The following SLC25A33 variants were observed in gnomAD, a reference collection of about 807,000 sequenced individuals.
SLC25A33 encodes the protein bone marrow stromal cell mitochondrial carrier protein.
SLC25A33 carries 15 observed loss-of-function variants against 35.5 expected under a neutral mutation model. That is an observed-to-expected ratio of 0.42 (90% CI 0.28 to 0.65). The LOEUF (loss-of-function observed/expected upper bound fraction) is 0.65. Ranked by LOEUF, SLC25A33 falls within the 30% of genes least tolerant of loss-of-function variation. The pLI is 0.20. For missense variants in SLC25A33, 257 were observed against 398.5 expected (o/e 0.64, Z 3.02); for synonymous variants, 136 against 148.7 (o/e 0.91, Z 0.62).
rs1643464004 is a variant in SLC25A33, at chr1:9,564,063, A to C, written c.237-3221A>C. On this transcript the variant is annotated intron_variant, in intron 2 of 6. Coordinates refer to ENST00000302692, the MANE Select transcript of SLC25A33 (RefSeq NM_032315.3). ...AGTAAAGAGAAATCCTCCATAAGAAAAAGAGATTAAATTAGAGAAGACCAT... is the reference window on the plus strand; with the variant it reads ...AGTAAAGAGAAATCCTCCATAAGAACAAGAGATTAAATTAGAGAAGACCAT... Among the ~76,000 whole-genome samples the C allele has an allele frequency of 4.6e-5, 7 of 152,342 alleles. No homozygotes were observed. The South Asian group carries it at 1.4e-3, about 32-fold the overall frequency.
chr1:9,556,816 A>G (rs1643351090), intron 2 of SLC25A33, among the ~76,000 whole-genome samples: 1 of 152,196 alleles, frequency 6.6e-6, no homozygotes, highest in Admixed American at 6.5e-5. Flanking sequence ...TACAGGAACA[A>G]CTTCCACACC....
chr1:9,544,764 A>G (rs752763047), intron 1 of SLC25A33, among the ~76,000 whole-genome samples: 9 of 152,196 alleles, frequency 5.9e-5, no homozygotes, highest in Admixed American at 1.3e-4. Context: ...AAAGCAGTTT[A>G]CCATCAGTGG....
At chr1:9,559,391 G>T (rs1179283058) in intron 2 of SLC25A33, among the ~76,000 whole-genome samples, 1 of 152,108 alleles carries the variant, frequency 6.6e-6, no homozygotes, top group Admixed American at 6.5e-5. Context: ...GTTTTGGCAT[G>T]TCAGGAAGAT....
At chr1:9,552,596 A>G (rs1378033779) in intron 1 of SLC25A33, among the ~76,000 whole-genome samples, 4 of 152,302 alleles carry the variant, frequency 2.6e-5, no homozygotes, top group East Asian at 1.9e-4. Flanking sequence ...TCAAAATAGT[A>G]TCTTCACCTG....
At chr1:9,550,597 C>G (rs564268423) in intron 1 of SLC25A33, among the ~76,000 whole-genome samples, 2 of 152,090 alleles carry the variant, frequency 1.3e-5, no homozygotes, top group East Asian at 1.9e-4. Flanking sequence ...GTTATTATGA[C>G]AGGTAGGAGT....
intron 6 of SLC25A33, among the ~76,000 whole-genome samples, chr1:9,580,873 ATAAT>A (rs1557539086): frequency 1.4e-5 from 2 of 143,636 alleles, no homozygotes; most frequent in African/African-American, 5.3e-5. Context: ...AAAAATAATA[ATAAT>A]AATAATAATA....
At chr1:9,557,815 T>C (rs1439271735) in intron 2 of SLC25A33, among the ~76,000 whole-genome samples, 1 of 152,186 alleles carries the variant, frequency 6.6e-6, no homozygotes, top group East Asian at 1.9e-4. Flanking sequence ...TAAGACAGGA[T>C]GTCCTTGAGC....
intron 2 of SLC25A33, among the ~76,000 whole-genome samples, chr1:9,554,568 A>T (rs1256265125): frequency 1.3e-5 from 2 of 151,372 alleles, no homozygotes; most frequent in African/African-American, 4.9e-5. Flanking sequence ...CATGTTGGCC[A>T]GGCTGGTCCC....
chr1:9,576,607 G>A lies in SLC25A33; in HGVS notation c.482+3195G>A, dbSNP rs1643663892. 6.9e-6 allele frequency: 4 copies of A among 580,558 alleles called. No individual in the cohort carries two copies. The Admixed American group carries it at 7.5e-5, about 11-fold the overall frequency. The allele number at this position is 580,558 out of a possible 1,614,324, so 36.0% of individuals were successfully genotyped here. On this transcript the variant is annotated intron_variant, in intron 5 of 6. Transcript: ENST00000302692. ...TGCCACACGGTGGGGTAACAGAAAG[G>A]AACTGGCTACCGTTCGAACTGTTGG...
At chr1:9,541,210 C>T (rs1380301623) in intron 1 of SLC25A33, among the ~76,000 whole-genome samples, 2 of 149,604 alleles carry the variant, frequency 1.3e-5, no homozygotes, top group Non-Finnish European at 1.5e-5. Context: ...CTGGAGTGCA[C>T]TGGCGCCATC....
At chr1:9,548,270 A>G (rs940937437) in intron 1 of SLC25A33, among the ~76,000 whole-genome samples, 21 of 152,206 alleles carry the variant, frequency 1.4e-4, no homozygotes, top group Admixed American at 1.3e-3. Context: ...TACAGACTAT[A>G]AGACCTATAC....
At chr1:9,553,414 T>C (rs574093716) in intron 1 of SLC25A33, among the ~76,000 whole-genome samples, 2 of 151,828 alleles carry the variant, frequency 1.3e-5, no homozygotes, top group South Asian at 2.1e-4. Flanking sequence ...TTTGTATTTT[T>C]AGTAGAGACA....
At chr1:9,550,115 G>A (rs987816785) in intron 1 of SLC25A33, among the ~76,000 whole-genome samples, 2 of 140,520 alleles carry the variant, frequency 1.4e-5, no homozygotes, top group Admixed American at 7.9e-5. Context: ...TTGGGTTCAG[G>A]TGATCCTCCT....
chr1:9,564,737 A>ATATATATATATAT (rs1396734975), intron 2 of SLC25A33, among the ~76,000 whole-genome samples: 8 of 72,722 alleles, frequency 1.1e-4, no homozygotes, highest in Non-Finnish European at 1.7e-4. Context: ...AAAAAAAAAA[A>ATATATATATATAT]AAATATATAT....
intron 4 of SLC25A33, among the ~76,000 whole-genome samples, chr1:9,573,026 T>C (rs1281345836): frequency 6.6e-6 from 1 of 152,146 alleles, no homozygotes; most frequent in East Asian, 1.9e-4. Context: ...GGCTTATAAA[T>C]TGAGGTTTAG....
chr1:9,556,663 TTGTGTGTGTGTCTGTGTCTGTGTGTG>T (rs1441699406), intron 2 of SLC25A33, among the ~76,000 whole-genome samples: 2 of 151,532 alleles, frequency 1.3e-5, no homozygotes, highest in East Asian at 1.9e-4. Flanking sequence ...CCATAAGAGA[TTGTGTGTGTGTCTGTGTCTGTGTGTG>T]TGTGTGTGTG....
At chr1:9,564,320 G>A (rs374035512) in intron 2 of SLC25A33, among the ~76,000 whole-genome samples, 3 of 152,236 alleles carry the variant, frequency 2.0e-5, no homozygotes, top group African/African-American at 4.8e-5. Flanking sequence ...TTACATTGCA[G>A]GCGGGAATGT....
chr1:9,565,877 CA>C (rs528314170), intron 2 of SLC25A33, among the ~76,000 whole-genome samples: 342 of 88,532 alleles, frequency 3.9e-3, no homozygotes, highest in African/African-American at 0.011. Flanking sequence ...GACTCTGTCT[CA>C]AAAAAAAAAA....
chr1:9,553,228 G>GTTTTTTTTTTTTTTTTTTTTTTTTTTTT lies in SLC25A33; in HGVS notation c.57-398_57-397insTTTTTTTTTTTTTTTTTTTTTTTTTTTT, dbSNP rs1643294121. ...GTTTTTTTTTTTTTTTTTTTTTTTTGGGTTTTTTTTTTGTTTGAGACGGAG... is the reference window on the plus strand; with the variant it reads ...GTTTTTTTTTTTTTTTTTTTTTTTTGTTTTTTTTTTTTTTTTTTTTTTTTTTTTGGTTTTTTTTTTGTTTGAGACGGAG... On this transcript the variant is annotated intron_variant, in intron 1 of 6. Transcript: ENST00000302692. Among the ~76,000 whole-genome samples the GTTTTTTTTTTTTTTTTTTTTTTTTTTTT allele has an allele frequency of 5.2e-5, 2 of 38,690 alleles. 1 individual carries two copies. Among genetic ancestry groups the GTTTTTTTTTTTTTTTTTTTTTTTTTTTT allele is most frequent in the Non-Finnish European group, 9.8e-5 (2 of 20,388 alleles). The allele number at this position is 38,690 out of a possible 152,430, so 25.4% of individuals were successfully genotyped here. A position where few individuals can be genotyped will look rare whatever the true frequency, so the allele number is the denominator to read the frequency against.
Sources: allele counts gnomAD v4.1 joint callset (sites outside exome capture counted in the v4.1 genomes callset), GRCh38; gene constraint gnomAD v4.1.1; transcripts MANE v1.5; gene names NCBI Gene and HGNC (gene_info 2026-07-23, HGNC 2026-07-21).